Variants in GABPB1 observed in about 807,000 individuals in gnomAD.
The protein encoded by GABPB1 is GA binding protein transcription factor subunit beta 1.
GABPB1 carries 15 observed loss-of-function variants against 45.9 expected under a neutral mutation model. That is an observed-to-expected ratio of 0.33 (90% CI 0.22 to 0.50). The LOEUF (loss-of-function observed/expected upper bound fraction) is 0.50, where lower values mean the gene tolerates loss of function less well. GABPB1 is among the 20% of genes least tolerant of loss of function. GABPB1 has a pLI of 0.98. For synonymous variants in GABPB1, 143 were observed against 154.4 expected (o/e 0.93, Z 0.55); for missense variants, 252 against 457.5 (o/e 0.55, Z 4.10).
intron 1 of GABPB1, chr15:50,351,084 CTACT>C (rs1299879303): frequency 6.6e-6 from 1 of 152,226 alleles, no homozygotes; most frequent in African/African-American, 2.4e-5. Context: ...CGTTCCTACC[CTACT>C]TAAGTTTGGG....
intron 5 of GABPB1, 98 bp from the exon 6 acceptor site, chr15:50,301,000 T>C (rs1178153395): frequency 1.2e-6 from 1 of 842,330 alleles, no homozygotes; most frequent in African/African-American, 1.7e-5. Context: ...AAACAAAGCT[T>C]GGATAGCATT....
chr15:50,285,385 T>C lies in GABPB1; in HGVS notation c.999+683A>G, dbSNP rs1048251402. ...TTGATTTCAAGTTCAGTGGCTGCAGTTGTTCTTTCAAAGTTATTCAAGTAT... is the reference window on the plus strand; with the variant it reads ...TTGATTTCAAGTTCAGTGGCTGCAGCTGTTCTTTCAAAGTTATTCAAGTAT... On this transcript the variant is annotated intron_variant, in intron 8 of 8. Coordinates refer to ENST00000380877, the MANE Select transcript of GABPB1 (RefSeq NM_016654.5). 4.6e-5 allele frequency among the ~76,000 whole-genome samples: 7 copies of C among 152,286 alleles called. No homozygotes were observed. In the East Asian group the frequency reaches 1.2e-3, roughly 25 times the overall value.
rs541944749 is a variant in GABPB1, at chr15:50,276,103, G to A, written c.*2529C>T. 6.6e-6 allele frequency: 1 copy of A among 152,212 alleles called. No individual in the cohort carries two copies. The highest frequency in any genetic ancestry group is 1.5e-5 in the Non-Finnish European group (1 of 68,050). The allele number at this position is 152,212 out of a possible 1,614,324, so 9.4% of individuals were successfully genotyped here. ...ACCCTGGTTGAGAAAGGTTGCTCCA[G>A]GTGTTTGTTCACACATATGTGGAAA... is the stretch of plus-strand genomic sequence containing the variant. On this transcript the variant is annotated 3_prime_UTR_variant, in exon 9 of 9. Transcript: ENST00000380877.
chr15:50,337,428 T>A (rs2048190179), intron 1 of GABPB1, among the ~76,000 whole-genome samples: 2 of 151,990 alleles, frequency 1.3e-5, no homozygotes, highest in Non-Finnish European at 1.5e-5. Context: ...TAAACTCTCT[T>A]CTCTTCAGAC....
rs28715736 is a variant in GABPB1, at chr15:50,329,547, G to C, written c.1-19749C>G. 3.8e-3 allele frequency among the ~76,000 whole-genome samples: 584 copies of C among 152,124 alleles called. 3 individuals are homozygous for C. Among genetic ancestry groups the C allele is most frequent in the African/African-American group, 0.014 (561 of 41,508 alleles). ...TTTTTGCAGTTCTTTTATCCTTAGC[G>C]TATATGCCATTTAGTATTAAGCTCC... is the stretch of plus-strand genomic sequence containing the variant. On this transcript the variant is annotated intron_variant, in intron 1 of 8. Coordinates refer to ENST00000380877, the MANE Select transcript of GABPB1 (RefSeq NM_016654.5).
chr15:50,333,376 T>C (rs1031239977), intron 1 of GABPB1, among the ~76,000 whole-genome samples: 9 of 152,186 alleles, frequency 5.9e-5, no homozygotes, highest in Admixed American at 2.0e-4. Context: ...GGTGGGAGGA[T>C]TGCCTGAGTG....
At chr15:50,309,624 A>AT (rs964023567) in intron 2 of GABPB1, 67 bp downstream of exon 2, 21 of 957,054 alleles carry the variant, frequency 2.2e-5, no homozygotes, top group African/African-American at 3.2e-5. Flanking sequence ...TACTGACTAC[A>AT]TTTTTCTCTG....
intron 7 of GABPB1, 39 bp from the exon 8 acceptor site, chr15:50,286,222 GA>G (rs1168546097): frequency 7.4e-7 from 1 of 1,347,264 alleles, no homozygotes; most frequent in African/African-American, 1.5e-5. Flanking sequence ...TTCATTTTCA[GA>G]GAGATTTATT....
chr15:50,306,567 C>CA lies in GABPB1; in HGVS notation c.109-2435dup, dbSNP rs1232201571. On this transcript the variant is annotated intron_variant, in intron 2 of 8. Coordinates refer to ENST00000380877, the MANE Select transcript of GABPB1 (RefSeq NM_016654.5). The stretch of plus-strand genomic sequence containing the variant: ...ACTTGAACCCGGGAGGCAGAGGCTT[C>CA]AGTGAGCCAAGATCATGCCACTGCA... Among the ~76,000 whole-genome samples the CA allele has an allele frequency of 5.4e-5, 8 of 148,504 alleles. No homozygotes were observed. The East Asian group carries it at 1.6e-3, about 29-fold the overall frequency.
At chr15:50,341,819 T>C (rs926013208) in intron 1 of GABPB1, among the ~76,000 whole-genome samples, 1 of 152,188 alleles carries the variant, frequency 6.6e-6, no homozygotes, top group African/African-American at 2.4e-5. Flanking sequence ...TTTGGAATTA[T>C]TGAGAGATGG....
At chr15:50,297,912 A>G (rs534930472) in intron 6 of GABPB1, among the ~76,000 whole-genome samples, 1 of 152,342 alleles carries the variant, frequency 6.6e-6, no homozygotes, top group East Asian at 1.9e-4. Flanking sequence ...GTCACATGCA[A>G]TAAAAACTAA....
intron 2 of GABPB1, among the ~76,000 whole-genome samples, chr15:50,304,528 T>C (rs1197781280): frequency 6.6e-6 from 1 of 152,220 alleles, no homozygotes; most frequent in Non-Finnish European, 1.5e-5. Flanking sequence ...CTGGCCAACA[T>C]GGTGAAACCC....
At chr15:50,347,924 C>T (rs957305175) in intron 1 of GABPB1, among the ~76,000 whole-genome samples, 3 of 151,164 alleles carry the variant, frequency 2.0e-5, no homozygotes, top group Non-Finnish European at 1.5e-5. Context: ...GGCATGGTGG[C>T]GGGCACCTGT....
At chr15:50,293,621 A>C (rs1392008168) in intron 6 of GABPB1, among the ~76,000 whole-genome samples, 1 of 152,348 alleles carries the variant, frequency 6.6e-6, no homozygotes, top group Admixed American at 6.5e-5. Context: ...CATATGAAAA[A>C]GAAATATTCA....
intron 1 of GABPB1, among the ~76,000 whole-genome samples, chr15:50,348,551 A>ATT (rs879406831): frequency 7.4e-6 from 1 of 135,324 alleles, no homozygotes; most frequent in Non-Finnish European, 1.6e-5. Context: ...GAGCCCGGCC[A>ATT]TTTTTTTTTT....
chr15:50,281,387 A>AT (rs202033093), intron 8 of GABPB1, among the ~76,000 whole-genome samples: 4 of 151,944 alleles, frequency 2.6e-5, no homozygotes, highest in East Asian at 1.9e-4. Flanking sequence ...AATTTTTTGT[A>AT]TTTTTAGTAG....
chr15:50,320,976 G>A (rs574218742), intron 1 of GABPB1, among the ~76,000 whole-genome samples: 9 of 152,068 alleles, frequency 5.9e-5, no homozygotes, highest in Non-Finnish European at 8.8e-5. Flanking sequence ...TTAGGTCTTC[G>A]GACTTCCAGA....
chr15:50,346,403 G>A (rs2048579822), intron 1 of GABPB1: 1 of 150,984 alleles, frequency 6.6e-6, no homozygotes. Flanking sequence ...GACCTGTGAG[G>A]GAAAACAGAA....
rs2047965047 is a variant in GABPB1 at position 50,331,989 on chromosome 15, C to T, written c.1-22191G>A. ...TCCTGGGTTCAAGCGATTCTCCCGTCTCAGTCTCCCAAGTAGCTGGGATTA... is the reference window on the plus strand; with the variant it reads ...TCCTGGGTTCAAGCGATTCTCCCGTTTCAGTCTCCCAAGTAGCTGGGATTA... On this transcript the variant is annotated intron_variant, in intron 1 of 8. Transcript: ENST00000380877. 3.9e-5 allele frequency among the ~76,000 whole-genome samples: 6 copies of T among 151,960 alleles called. No homozygotes were observed. In the South Asian group the frequency reaches 1.2e-3, roughly 32 times the overall value.
Sources: gnomAD v4.1 joint callset for allele counts (sites outside exome capture counted in the v4.1 genomes callset) on GRCh38, gnomAD v4.1.1 for gene constraint, MANE v1.5 for transcripts, NCBI Gene and HGNC (gene_info 2026-07-23, HGNC 2026-07-21) for gene names.